Variants in RASGRF2 observed in about 807,000 individuals in gnomAD.
RASGRF2 encodes ras-specific guanine nucleotide-releasing factor 2.
In RASGRF2, 76 loss-of-function variants were observed where a neutral mutation model predicts 151.0. That is an observed-to-expected ratio of 0.50 (90% CI 0.42 to 0.61). RASGRF2 has a LOEUF of 0.61. RASGRF2 is among the 20% of genes least tolerant of loss of function. The pLI is 0.00. For synonymous variants in RASGRF2, 504 were observed against 566.5 expected, an observed-to-expected ratio of 0.89 and a Z score of 1.57; for missense variants, 1,148 against 1,564.6, an observed-to-expected ratio of 0.73 and a Z score of 4.49.
chr5:81,143,961 G>A (rs1753946240), intron 17 of RASGRF2, among the ~76,000 whole-genome samples: 1 of 151,842 alleles, frequency 6.6e-6, no homozygotes, highest in Non-Finnish European at 1.5e-5. Flanking sequence ...TATAATAAAG[G>A]CAATAGGGCA....
Position 81,217,407 on chromosome 5 carries a change from A to T in RASGRF2, c.3486A>T (p.Ala1162=). The T allele has an allele frequency of 6.2e-7, 1 of 1,613,624 alleles. No individual in the cohort carries two copies. The highest frequency in any genetic ancestry group is 1.7e-5 in the Admixed American group (1 of 59,922). Residue 1162 remains alanine, a synonymous_variant, in exon 25 of 27, where the codon GCA becomes GCT. Transcript: ENST00000265080. ...TTGGGATGTACTTGACAGACCTGGC[A>T]TTTATTGAAGAAGGAACACCAAACT... ...PYLGMYLTDL[A]FIEEGTPNFT...
At chr5:81,011,380 A>G (rs1749455418) in intron 1 of RASGRF2, among the ~76,000 whole-genome samples, 1 of 152,172 alleles carries the variant, frequency 6.6e-6, no homozygotes, top group Non-Finnish European at 1.5e-5. Flanking sequence ...TTTTACCATT[A>G]AACCAACATT....
At chr5:81,115,420 A>T (rs1206002432) in intron 15 of RASGRF2, among the ~76,000 whole-genome samples, 1 of 152,222 alleles carries the variant, frequency 6.6e-6, no homozygotes, top group African/African-American at 2.4e-5. Flanking sequence ...TGACAAGTGC[A>T]TTCAGGGTTG....
intron 1 of RASGRF2, among the ~76,000 whole-genome samples, chr5:81,042,325 A>C (rs1750702571): frequency 1.3e-5 from 2 of 152,194 alleles, no homozygotes; most frequent in Admixed American, 6.5e-5. Context: ...TACTGTGTTG[A>C]ACAGAATTGC....
intron 15 of RASGRF2, among the ~76,000 whole-genome samples, chr5:81,116,125 C>T (rs1187102364): frequency 8.1e-6 from 1 of 122,736 alleles, no homozygotes; most frequent in East Asian, 2.4e-4. Flanking sequence ...CTCTGTCTCC[C>T]AGGCTGGAGT....
chr5:80,975,997 A>G (rs1334378702), intron 1 of RASGRF2, among the ~76,000 whole-genome samples: 2 of 151,992 alleles, frequency 1.3e-5, no homozygotes, highest in African/African-American at 2.4e-5. Flanking sequence ...GGCATGTGCC[A>G]CCACACCCGA....
At chr5:81,021,894 A>T (rs902814697) in intron 1 of RASGRF2, among the ~76,000 whole-genome samples, 1 of 152,086 alleles carries the variant, frequency 6.6e-6, no homozygotes, top group African/African-American at 2.4e-5. Context: ...AAGTATGGGG[A>T]TCACTGATTG....
At chr5:81,215,488 C>T (rs1755716922) in intron 23 of RASGRF2, among the ~76,000 whole-genome samples, 1 of 152,058 alleles carries the variant, frequency 6.6e-6, no homozygotes, top group Non-Finnish European at 1.5e-5. Flanking sequence ...CCAGGATGGT[C>T]TCAAACTCCT....
chr5:81,091,261 C>G (rs1047734046), intron 9 of RASGRF2, among the ~76,000 whole-genome samples: 6 of 152,190 alleles, frequency 3.9e-5, no homozygotes, highest in Admixed American at 2.6e-4. Context: ...CATAGACTTC[C>G]CTAACTTCTG....
At chr5:81,224,759 A>C (rs778814126) in intron 26 of RASGRF2, among the ~76,000 whole-genome samples, 2 of 152,196 alleles carry the variant, frequency 1.3e-5, no homozygotes, top group Non-Finnish European at 2.9e-5. Flanking sequence ...TCAAAACACT[A>C]TGCTGAGTGA....
chr5:81,185,337 T>G (rs2112684040), intron 18 of RASGRF2, among the ~76,000 whole-genome samples: 1 of 151,344 alleles, frequency 6.6e-6, no homozygotes, highest in East Asian at 2.0e-4. Flanking sequence ...ATGCTAGGAG[T>G]GAGCTGTATT....
chr5:80,978,737 A>C (rs997564891), intron 1 of RASGRF2, among the ~76,000 whole-genome samples: 1 of 152,154 alleles, frequency 6.6e-6, no homozygotes, highest in African/African-American at 2.4e-5. Context: ...CAGTGAGCCA[A>C]GATCGTGCCA....
chr5:81,103,683 C>T (rs1752765007), intron 12 of RASGRF2, among the ~76,000 whole-genome samples: 1 of 151,532 alleles, frequency 6.6e-6, no homozygotes, highest in South Asian at 2.1e-4. Context: ...ATATAAAGCA[C>T]AAAAAGAAAA....
chr5:80,970,347 G>A (rs534101677), intron 1 of RASGRF2, among the ~76,000 whole-genome samples: 6 of 152,310 alleles, frequency 3.9e-5, no homozygotes, highest in Admixed American at 3.3e-4. Context: ...TTGATTGCAA[G>A]GGAGAGGTAT....
chr5:81,008,120 C>A (rs1353102632), intron 1 of RASGRF2, among the ~76,000 whole-genome samples: 5 of 88,368 alleles, frequency 5.7e-5, no homozygotes, highest in Non-Finnish European at 1.0e-4. Context: ...TTTCAGTTTT[C>A]TTTTTCTTTC....
chr5:81,157,877 G>A (rs1035033112), intron 17 of RASGRF2, among the ~76,000 whole-genome samples: 2 of 152,064 alleles, frequency 1.3e-5, no homozygotes, highest in Non-Finnish European at 1.5e-5. Context: ...GGGTTTATGG[G>A]GATTACAATT....
chr5:81,011,366 C>CT (rs199720285), intron 1 of RASGRF2, among the ~76,000 whole-genome samples: 1,645 of 152,154 alleles, frequency 0.011, 17 homozygotes, highest in South Asian at 0.024. Context: ...GTTGTTGCTT[C>CT]TTTTTTTACC....
At chr5:81,101,232 C>G (rs1258594562) in intron 12 of RASGRF2, among the ~76,000 whole-genome samples, 1 of 152,198 alleles carries the variant, frequency 6.6e-6, no homozygotes, top group Non-Finnish European at 1.5e-5. Context: ...GAACTGTATA[C>G]AGGCACCACT....
intron 17 of RASGRF2, among the ~76,000 whole-genome samples, chr5:81,134,079 C>CGTGTGTGT (rs139770057): frequency 0.34 from 49,426 of 143,462 alleles, 8,862 homozygotes; most frequent in East Asian, 0.47. Context: ...TGCTTGTGTG[C>CGTGTGTGT]GTGTGTGTGT....
Sources: allele counts gnomAD v4.1 joint callset (sites outside exome capture counted in the v4.1 genomes callset), GRCh38; gene constraint gnomAD v4.1.1; transcripts MANE v1.5; gene names NCBI Gene and HGNC (gene_info 2026-07-23, HGNC 2026-07-21).